Variants in DLAT observed in about 807,000 individuals in gnomAD.
DLAT encodes dihydrolipoamide S-acetyltransferase.
A neutral mutation model predicts 68.0 loss-of-function variants in DLAT; 43 were observed. The observed-to-expected ratio is 0.63, with a 90% CI of 0.50 to 0.81. DLAT has a LOEUF of 0.81. Ranked by LOEUF, DLAT falls within the 40% of genes least tolerant of loss-of-function variation. The probability of loss-of-function intolerance (pLI) is 0.00; values close to 1 mark genes in which losing one functional copy is unlikely to be tolerated. For missense variants in DLAT, 745 were observed against 815.4 expected, an observed-to-expected ratio of 0.91 and a Z score of 1.05; for synonymous variants, 265 against 288.6, an observed-to-expected ratio of 0.92 and a Z score of 0.83.
rs587618499 is a variant in DLAT, at chr11:112,032,790, G to A, written c.661-614G>A. On this transcript the variant is annotated intron_variant, in intron 4 of 13. Transcript: ENST00000280346. The stretch of plus-strand genomic sequence containing the variant: ...TTGGTTAAAAAAAAATGAAGTCTGG[G>A]CGCGGTGGCTCACGCCTGTAATCCC... Among the ~76,000 whole-genome samples, 8 of 152,292 alleles carry A rather than the reference G, an allele frequency of 5.3e-5. No homozygotes were observed. The East Asian group carries it at 1.5e-3, about 29-fold the overall frequency.
chr11:112,046,306 A>G (rs1357061051), intron 10 of DLAT, among the ~76,000 whole-genome samples: 2 of 152,116 alleles, frequency 1.3e-5, no homozygotes, highest in African/African-American at 4.8e-5. Flanking sequence ...GTGGTGTGAG[A>G]TAGGAATCCA....
rs74373804 is a variant in DLAT, at chr11:112,046,208, G to A, written c.1398+238G>A. On this transcript the variant is annotated intron_variant, in intron 10 of 13. Coordinates refer to ENST00000280346, the MANE Select transcript of DLAT (RefSeq NM_001931.5). ...CTATTACCTAGTCTAAGGTCATGAA[G>A]ATTTATACTTTTGTTTCCTTGTAAC... 4.6e-5 allele frequency among the ~76,000 whole-genome samples: 7 copies of A among 152,216 alleles called. No homozygotes were observed. The East Asian group carries it at 1.2e-3, about 25-fold the overall frequency.
chr11:112,037,105 C>T (rs1862815381), intron 5 of DLAT, among the ~76,000 whole-genome samples, 168 bp from the exon 6 acceptor site: 2 of 152,172 alleles, frequency 1.3e-5, no homozygotes, highest in South Asian at 4.2e-4. Context: ...CTATTATTAT[C>T]CCCGTATTGT....
At chr11:112,030,845 A>G (rs1224867306) in intron 4 of DLAT, among the ~76,000 whole-genome samples, 12 of 152,202 alleles carry the variant, frequency 7.9e-5, no homozygotes, top group Non-Finnish European at 1.2e-4. Flanking sequence ...CTTTGGAAAT[A>G]ATGTTCTACT....
intron 2 of DLAT, among the ~76,000 whole-genome samples, chr11:112,027,362 C>T (rs1555179457): frequency 6.6e-6 from 1 of 151,664 alleles, no homozygotes; most frequent in African/African-American, 2.4e-5. Context: ...CAGAGGCGCT[C>T]CTCACTTCCT....
At position 112,028,848 on chromosome 11, in the gene DLAT, C is replaced by T. The variant is rs200488420; in HGVS notation, c.563C>T (p.Thr188Ile). Residue 188 changes from threonine (T) to isoleucine (I), a missense_variant, in exon 4 of 14, where the codon ACC becomes ATC. Transcript: ENST00000280346. ...NYTLDSSAAP[T>I]PQAAPAPTPA... ...ACACTGGATTCCTCAGCAGCACCTA[C>T]CCCACAAGCGGCCCCAGCACCAACC... The T allele has an allele frequency of 6.2e-7, 1 of 1,614,164 alleles. No homozygotes were observed. The highest frequency in any genetic ancestry group is 2.2e-5 in the East Asian group (1 of 44,890).
At position 112,059,406 on chromosome 11, in the gene DLAT, G is replaced by T. The variant is rs587724534; in HGVS notation, c.1515-497G>T. Among the ~76,000 whole-genome samples the T allele has an allele frequency of 2.0e-5, 3 of 149,294 alleles. No individual in the cohort carries two copies. The East Asian group carries it at 5.9e-4, about 29-fold the overall frequency. On this transcript the variant is annotated intron_variant, in intron 11 of 13. Transcript: ENST00000280346. ...CGGTGGGGTCAGGGGCAGGGGCAGCGTTGGGGGATGGAGTCTCGCTCTGCT... is the reference window on the plus strand; with the variant it reads ...CGGTGGGGTCAGGGGCAGGGGCAGCTTTGGGGGATGGAGTCTCGCTCTGCT...
intron 11 of DLAT, among the ~76,000 whole-genome samples, chr11:112,052,853 C>T (rs1052753464): frequency 1.3e-5 from 2 of 151,960 alleles, no homozygotes; most frequent in Non-Finnish European, 2.9e-5. Context: ...GGCGCCATCC[C>T]GAGGTTACTT....
Position 112,064,032 on chromosome 11 carries a change from C to T in DLAT, c.*1497C>T, listed in dbSNP as rs1371670650. The T allele has an allele frequency of 1.8e-5, 13 of 709,756 alleles. No homozygotes were observed. In the African/African-American group the frequency reaches 2.0e-4, roughly 11 times the overall value. The allele number at this position is 709,756 out of a possible 1,614,324, so 44.0% of individuals were successfully genotyped here. ...CCATATATTCCACACAGACTTTTAC[C>T]TTGCTGTATTATTATGAAAACAATA... is the stretch of plus-strand genomic sequence containing the variant. On this transcript the variant is annotated 3_prime_UTR_variant, in exon 14 of 14. Coordinates refer to ENST00000280346, the MANE Select transcript of DLAT (RefSeq NM_001931.5).
chr11:112,052,286 A>G (rs1189535380), intron 11 of DLAT, among the ~76,000 whole-genome samples: 2 of 152,110 alleles, frequency 1.3e-5, no homozygotes, highest in African/African-American at 4.8e-5. Flanking sequence ...CTCTAATTCA[A>G]TTCAATTCAA....
At position 112,028,635 on chromosome 11, in the gene DLAT, G is replaced by T; in HGVS notation, c.502G>T (p.Gly168Cys). The T allele has an allele frequency of 1.9e-6, 3 of 1,614,116 alleles. No homozygotes were observed. Among genetic ancestry groups the T allele is most frequent in the East Asian group, 4.5e-5 (2 of 44,878 alleles). The change falls in exon 3 of 14, where the codon GGC (glycine) becomes TGC (cysteine). Residue 168 changes from glycine to cysteine, a missense_variant. Gly to Cys is a radical substitution (Grantham distance 159). Transcript: ENST00000280346. ...PIGAIICITV[G>C]KPEDIEAFKN... Reference sequence around the variant, plus strand: ...CGGAGCGATCATCTGTATCACAGTTGGCAAGTGAGTAGTGCGCTCATAATT... The same window carrying T: ...CGGAGCGATCATCTGTATCACAGTTTGCAAGTGAGTAGTGCGCTCATAATT...
chr11:112,033,388 GTGTT>G lies in DLAT; in HGVS notation c.661-10_661-7del. On this transcript the variant is annotated splice_polypyrimidine_tract_variant and intron_variant, in intron 4 of 13. Coordinates refer to ENST00000280346, the MANE Select transcript of DLAT (RefSeq NM_001931.5). ...TCTTCCTGGTATTAAGCAATAATAT[GTGTT>G]TGTTTCTGCAGGTACTTCTTCCTGC... 6.2e-7 allele frequency: 1 copy of G among 1,612,428 alleles called. No homozygotes were observed. Among genetic ancestry groups the G allele is most frequent in the East Asian group, 2.2e-5 (1 of 44,796 alleles).
At chr11:112,056,004 A>C (rs1458296056) in intron 11 of DLAT, among the ~76,000 whole-genome samples, 1 of 150,702 alleles carries the variant, frequency 6.6e-6, no homozygotes, top group African/African-American at 2.4e-5. Context: ...AGTAGCTGGG[A>C]CTACAGGCAC....
intron 9 of DLAT, 80 bp from the exon 10 acceptor site, chr11:112,045,783 G>T: frequency 1.2e-6 from 1 of 841,026 alleles, no homozygotes; most frequent in East Asian, 2.6e-5. Context: ...CAGAGAGTAA[G>T]GTGAAGAGAC....
intron 11 of DLAT, among the ~76,000 whole-genome samples, chr11:112,056,734 T>G (rs1864114123): frequency 6.6e-6 from 1 of 152,246 alleles, no homozygotes; most frequent in Admixed American, 6.5e-5. Context: ...TGTTTAATTT[T>G]TAGAGAAACT....
chr11:112,027,155 CGGGCGGAG>C (rs1862084941), intron 2 of DLAT, among the ~76,000 whole-genome samples: 1 of 150,310 alleles, frequency 6.7e-6, no homozygotes, highest in Non-Finnish European at 1.5e-5. Flanking sequence ...GGGTGGCTGC[CGGGCGGAG>C]GGGCTCCTCA....
In DLAT at chr11:112,059,051, TA is replaced by T. The variant is rs782171316; in HGVS notation, c.1515-838del. The stretch of plus-strand genomic sequence containing the variant: ...TGATAACAGAAGATCTGATATTGTG[TA>T]AAAAAAAAAAAAAGATTGGGACCCC... On this transcript the variant is annotated intron_variant, in intron 11 of 13. Transcript: ENST00000280346. Among the ~76,000 whole-genome samples, 1,240 of 139,810 alleles carry T rather than the reference TA, an allele frequency of 8.9e-3. 4 individuals carry two copies. The highest frequency in any genetic ancestry group is 0.017 in the African/African-American group (671 of 38,562). The allele number at this position is 139,810 out of a possible 152,430, so 91.7% of individuals were successfully genotyped here. A position where few individuals can be genotyped will look rare whatever the true frequency, so the allele number is the denominator to read the frequency against.
chr11:112,029,834 A>T lies in DLAT; in HGVS notation c.660+889A>T, dbSNP rs1243663204. Reference sequence around the variant, plus strand: ...AAGGCCTAATTCAGTCTTGGTCTGGACTACATCTCCCCGCACTTTGAGATC... The same window carrying T: ...AAGGCCTAATTCAGTCTTGGTCTGGTCTACATCTCCCCGCACTTTGAGATC... On this transcript the variant is annotated intron_variant, in intron 4 of 13. Transcript: ENST00000280346. The T allele has an allele frequency of 6.8e-6, 4 of 591,856 alleles. No individual in the cohort carries two copies. The East Asian group carries it at 1.8e-4, about 26-fold the overall frequency. 36.7% of individuals were successfully genotyped at this position (591,856 alleles called of 1,614,324 possible). A position where few individuals can be genotyped will look rare whatever the true frequency, so the allele number is the denominator to read the frequency against.
At chr11:112,030,447 T>C (rs1032201755) in intron 4 of DLAT, 7 of 331,162 alleles carry the variant, frequency 2.1e-5, no homozygotes, top group Non-Finnish European at 4.1e-5. Context: ...AGCTGTATCA[T>C]AGGTGTCAAG....
Sources: allele counts gnomAD v4.1 joint callset (sites outside exome capture counted in the v4.1 genomes callset), GRCh38; gene constraint gnomAD v4.1.1; transcripts MANE v1.5; gene names NCBI Gene and HGNC (gene_info 2026-07-23, HGNC 2026-07-21).